Variants in ASIC2 observed in about 807,000 individuals in gnomAD.
ASIC2 encodes the protein acid sensing ion channel subunit 2.
Under a neutral mutation model 57.3 loss-of-function variants are expected in ASIC2, and 25 were observed. The observed-to-expected ratio is 0.44, with a 90% CI of 0.32 to 0.61. The LOEUF is 0.61. ASIC2 is among the 20% of genes least tolerant of loss of function. The pLI, the probability that ASIC2 is intolerant of heterozygous loss-of-function variation, is 0.06. For synonymous variants in ASIC2, 319 were observed against 307.5 expected (o/e 1.04, Z -0.39); for missense variants, 641 against 738.1 (o/e 0.87, Z 1.52).
At chr17:33,044,206 T>TC (rs2091941435) in intron 3 of ASIC2, among the ~76,000 whole-genome samples, 2 of 151,972 alleles carry the variant, frequency 1.3e-5, no homozygotes, top group African/African-American at 4.8e-5. Context: ...TTTGTTTCCA[T>TC]CTGTCCATCC....
chr17:33,382,583 A>G (rs1409629356), intron 1 of ASIC2, among the ~76,000 whole-genome samples: 1 of 152,244 alleles, frequency 6.6e-6, no homozygotes, highest in Non-Finnish European at 1.5e-5. Flanking sequence ...TTTGCCCTGC[A>G]GACCTATTAC....
chr17:33,660,820 C>T (rs547707620), intron 1 of ASIC2, among the ~76,000 whole-genome samples: 1 of 152,292 alleles, frequency 6.6e-6, no homozygotes, highest in East Asian at 1.9e-4. Context: ...CGTCGTTATG[C>T]GGCCCATGAC....
intron 1 of ASIC2, among the ~76,000 whole-genome samples, chr17:33,579,723 A>G (rs1358357456): frequency 6.6e-6 from 1 of 152,162 alleles, no homozygotes; most frequent in Non-Finnish European, 1.5e-5. Flanking sequence ...CAACTGTTAA[A>G]AGTAGTGCGG....
chr17:33,879,161 C>T (rs436772), intron 1 of ASIC2, among the ~76,000 whole-genome samples: 134,252 of 152,194 alleles, frequency 0.88, 59,445 homozygotes, highest in African/African-American at 0.96. Flanking sequence ...ACATGCCAAA[C>T]TGTAAAGACT....
intron 3 of ASIC2, among the ~76,000 whole-genome samples, chr17:33,030,057 C>T (rs9900018): frequency 0.41 from 62,190 of 151,998 alleles, 12,957 homozygotes; most frequent in Admixed American, 0.55. Context: ...ATATTTTGTC[C>T]ATACCACCTA....
intron 3 of ASIC2, among the ~76,000 whole-genome samples, chr17:33,081,942 T>C (rs1045562308): frequency 1.3e-5 from 2 of 152,286 alleles, no homozygotes; most frequent in Admixed American, 6.5e-5. Context: ...GCCTTTATTG[T>C]AGTCTAAACA....
At chr17:33,194,278 G>A (rs1906541642) in intron 1 of ASIC2, among the ~76,000 whole-genome samples, 1 of 152,176 alleles carries the variant, frequency 6.6e-6, no homozygotes, top group East Asian at 1.9e-4. Flanking sequence ...CTGACCAAGA[G>A]GCCATTGCTG....
intron 1 of ASIC2, among the ~76,000 whole-genome samples, chr17:33,472,173 C>G (rs1029961946): frequency 6.6e-6 from 1 of 152,132 alleles, no homozygotes; most frequent in Non-Finnish European, 1.5e-5. Flanking sequence ...GTGCTCACCA[C>G]CATGCCCAGC....
intron 1 of ASIC2, among the ~76,000 whole-genome samples, chr17:33,508,464 G>C (rs1914329388): frequency 6.6e-6 from 1 of 152,196 alleles, no homozygotes. Context: ...AGAGAGAGAA[G>C]ACAGAGCCTG....
chr17:34,142,412 G>A (rs1478239320), intron 1 of ASIC2, among the ~76,000 whole-genome samples: 3 of 152,302 alleles, frequency 2.0e-5, no homozygotes, highest in Non-Finnish European at 4.4e-5. Flanking sequence ...TTTGTGCGTA[G>A]GTGGGGATGA....
At chr17:33,347,451 C>T (rs1201698789) in intron 1 of ASIC2, among the ~76,000 whole-genome samples, 1 of 152,094 alleles carries the variant, frequency 6.6e-6, no homozygotes, top group Non-Finnish European at 1.5e-5. Context: ...GATTGCCAGG[C>T]AACACCAAGT....
intron 1 of ASIC2, among the ~76,000 whole-genome samples, chr17:33,989,251 C>T (rs1445175981): frequency 6.6e-6 from 1 of 151,868 alleles, no homozygotes; most frequent in Non-Finnish European, 1.5e-5. Context: ...AGAAGAAAGC[C>T]CTTGGGGACA....
intron 1 of ASIC2, among the ~76,000 whole-genome samples, chr17:33,756,947 C>G (rs1045114712): frequency 6.6e-6 from 1 of 152,204 alleles, no homozygotes; most frequent in South Asian, 2.1e-4. Flanking sequence ...CAGGGTCACA[C>G]TCCACACAGA....
At chr17:33,795,447 C>T (rs1402318481) in intron 1 of ASIC2, among the ~76,000 whole-genome samples, 1 of 152,264 alleles carries the variant, frequency 6.6e-6, no homozygotes. Context: ...TGAGAGCATG[C>T]CCCTCCAACC....
intron 1 of ASIC2, among the ~76,000 whole-genome samples, chr17:33,286,448 T>C (rs994824358): frequency 1.3e-5 from 2 of 152,134 alleles, no homozygotes; most frequent in Non-Finnish European, 1.5e-5. Context: ...GTTCAAAAAC[T>C]TTAGTTTGGT....
intron 1 of ASIC2, among the ~76,000 whole-genome samples, chr17:33,176,805 T>C (rs1201016191): frequency 6.6e-6 from 1 of 152,160 alleles, no homozygotes; most frequent in Non-Finnish European, 1.5e-5. Context: ...CCTAATGCTG[T>C]CCCCAGAACC....
chr17:33,762,642 C>T (rs1567709062), intron 1 of ASIC2, among the ~76,000 whole-genome samples: 3 of 152,198 alleles, frequency 2.0e-5, no homozygotes, highest in African/African-American at 7.2e-5. Context: ...CATGACTCCT[C>T]TCCTGGCCAT....
rs576126882 is a variant in ASIC2, at chr17:33,057,135, A to G, written c.988-28743T>C. Among the ~76,000 whole-genome samples the G allele has an allele frequency of 3.1e-3, 475 of 152,284 alleles. 1 individual carries two copies. Among genetic ancestry groups the G allele is most frequent in the Admixed American group, 5.4e-3 (83 of 15,300 alleles). On this transcript the variant is annotated intron_variant, in intron 3 of 9. Transcript: ENST00000225823. ...GGCACTGAATGGCAAGAGGATCTGC[A>G]TTACAGGGAGGCTTGTTAGAAATGC...
intron 1 of ASIC2, among the ~76,000 whole-genome samples, chr17:33,461,616 T>A (rs1036460310): frequency 3.9e-5 from 6 of 152,122 alleles, no homozygotes; most frequent in African/African-American, 1.4e-4. Context: ...ATAGCATCAA[T>A]GTTCTAAGAG....
Sources: allele counts gnomAD v4.1 joint callset (sites outside exome capture counted in the v4.1 genomes callset), GRCh38; gene constraint gnomAD v4.1.1; transcripts MANE v1.5; gene names NCBI Gene and HGNC (gene_info 2026-07-23, HGNC 2026-07-21).